Variants in UMODL1 observed in about 807,000 individuals in gnomAD.
UMODL1 encodes the protein uromodulin-like 1.
UMODL1 carries 128 observed loss-of-function variants against 136.3 expected under a neutral mutation model. The observed-to-expected ratio is 0.94, with a 90% CI of 0.81 to 1.09. UMODL1 has a LOEUF of 1.09. Ranked by LOEUF, UMODL1 falls within the 50% of genes least tolerant of loss-of-function variation. UMODL1 has a pLI of 0.00. For synonymous variants in UMODL1, 721 were observed against 720.0 expected (o/e 1.00, Z -0.02); for missense variants, 1,766 against 1,725.6 (o/e 1.02, Z -0.41).
Position 42,103,849 on chromosome 21 carries a change from G to A in UMODL1, c.1300-19G>A, listed in dbSNP as rs560534891. On this transcript the variant is annotated intron_variant, in intron 8 of 22. Transcript: ENST00000408910. ...GTGAAGACGTTGATGGATGTCTGCT[G>A]TTGCCTCTTCTTGGCTAGGTCGAGA... 14 of 1,613,924 alleles carry A rather than the reference G, an allele frequency of 8.7e-6. No homozygotes were observed. Among genetic ancestry groups the A allele is most frequent in the Non-Finnish European group, 1.1e-5 (13 of 1,179,904 alleles).
rs369090858 is a variant in UMODL1, at chr21:42,121,224, G to T, written c.2827G>T (p.Gly943Cys). 25 of 1,608,498 alleles carry T rather than the reference G, an allele frequency of 1.6e-5. No homozygotes were observed. Among genetic ancestry groups the T allele is most frequent in the Non-Finnish European group, 2.1e-5 (25 of 1,177,642 alleles). ...GGAATATTCTGAGAGACCCTGTGAA[G>T]GTAATGTCGTCAGAGTTTCTTCTTC... Reference protein sequence around the residue: ...PVEYSERPCEGDSPGNETWAT... With the variant: ...PVEYSERPCECDSPGNETWAT... Residue 943 changes from glycine (G) to cysteine (C), a missense_variant and splice_region_variant, in exon 16 of 23, where the codon GGT (glycine) becomes TGT (cysteine). Transcript: ENST00000408910.
At position 42,122,564 on chromosome 21, in the gene UMODL1, C is replaced by A; in HGVS notation, c.2828-267C>A. On this transcript the variant is annotated intron_variant, in intron 16 of 22. Coordinates refer to ENST00000408910, the MANE Select transcript of UMODL1 (RefSeq NM_001004416.3). The surrounding 1 kb of genome is among the most constrained non-coding windows in gnomAD (Gnocchi z 4.3). ...ATGTGTGCGTGTGTGTGTGTCTGCA[C>A]GTGTGTGCGTGCGTGTGTGCATGTG... 6.8e-6 allele frequency among the ~76,000 whole-genome samples: 1 copy of A among 146,636 alleles called. No individual in the cohort carries two copies. Among genetic ancestry groups the A allele is most frequent in the East Asian group, 2.0e-4 (1 of 5,040 alleles).
chr21:42,111,472 G>A, intron 11 of UMODL1, 34 bp from the exon 12 acceptor site: 1 of 1,613,810 alleles, frequency 6.2e-7, no homozygotes, highest in Non-Finnish European at 8.5e-7. Context: ...TCCCTCCTGG[G>A]GCCACAGATG....
At chr21:42,116,286 A>G (rs2066901588) in intron 14 of UMODL1, among the ~76,000 whole-genome samples, 1 of 151,712 alleles carries the variant, frequency 6.6e-6, no homozygotes, top group African/African-American at 2.4e-5. Context: ...CCCAGGAGGC[A>G]GAGGTTGCAG....
chr21:42,097,290 C>A (rs955864725), intron 6 of UMODL1, among the ~76,000 whole-genome samples: 6 of 152,178 alleles, frequency 3.9e-5, no homozygotes, highest in Non-Finnish European at 8.8e-5. Context: ...GAAGCCTGTC[C>A]AGATTCCAGT....
intron 14 of UMODL1, among the ~76,000 whole-genome samples, chr21:42,116,897 G>A (rs1002908914): frequency 2.4e-4 from 37 of 152,154 alleles, no homozygotes; most frequent in South Asian, 2.1e-4. Flanking sequence ...CCAACATGGC[G>A]AAACCCCATC....
chr21:42,140,119 A>C (rs1453578940), intron 22 of UMODL1, among the ~76,000 whole-genome samples: 1 of 152,172 alleles, frequency 6.6e-6, no homozygotes, highest in African/African-American at 2.4e-5. Context: ...AAAATCTGTT[A>C]TCTCAAGAAA....
chr21:42,079,011 G>A (rs1378660927), intron 2 of UMODL1, among the ~76,000 whole-genome samples: 3 of 152,220 alleles, frequency 2.0e-5, no homozygotes, highest in East Asian at 3.8e-4. Context: ...CTGGTGCCAC[G>A]GCAACTCGGT....
intron 12 of UMODL1, among the ~76,000 whole-genome samples, chr21:42,112,220 C>T (rs1252400847): frequency 1.3e-5 from 2 of 151,444 alleles, no homozygotes; most frequent in African/African-American, 2.4e-5. Context: ...CTGCTCTGCA[C>T]ACCAAGGTGT....
Position 42,082,481 on chromosome 21 carries a change from G to A in UMODL1, c.320-1603G>A, listed in dbSNP as rs1467948559. Among the ~76,000 whole-genome samples, 3 of 152,238 alleles carry A rather than the reference G, an allele frequency of 2.0e-5. No individual in the cohort carries two copies. In the East Asian group the frequency reaches 5.8e-4, roughly 29 times the overall value. On this transcript the variant is annotated intron_variant, in intron 2 of 22. Coordinates refer to ENST00000408910, the MANE Select transcript of UMODL1 (RefSeq NM_001004416.3). ...GCCATAGACACACAAAGCTTGCCAT[G>A]TATCTGGGCATGAACTGGACAGCTC... is the stretch of plus-strand genomic sequence containing the variant.
rs866785679 is a variant in UMODL1 at position 42,088,481 on chromosome 21, G to C, written c.790+1G>C. The stretch of plus-strand genomic sequence containing the variant: ...GAAGTGATCAGCGTCCAGGTGCAAG[G>C]TTGGGCTTCCCTCAATCCTCCCTCT... On this transcript the variant is annotated splice_donor_variant, in intron 5 of 22. Coordinates refer to ENST00000408910, the MANE Select transcript of UMODL1 (RefSeq NM_001004416.3). LOFTEE classifies it high-confidence loss of function. The C allele has an allele frequency of 5.0e-6, 8 of 1,592,548 alleles. No homozygotes were observed. The highest frequency in any genetic ancestry group is 6.9e-6 in the Non-Finnish European group (8 of 1,162,744).
chr21:42,110,793 C>T, intron 10 of UMODL1, 87 bp from the exon 11 acceptor site: 18 of 1,320,454 alleles, frequency 1.4e-5, no homozygotes, highest in Non-Finnish European at 1.7e-5. Context: ...CAGAGCAGTC[C>T]TGCTGGACGG....
chr21:42,106,637 C>G (rs1453666692), intron 9 of UMODL1, among the ~76,000 whole-genome samples: 1 of 152,174 alleles, frequency 6.6e-6, no homozygotes, highest in African/African-American at 2.4e-5. Flanking sequence ...CCAGGAGGTA[C>G]GTACCATGTG....
upstream of UMODL1, chr21:42,071,272 T>C: frequency 6.8e-7 from 1 of 1,473,670 alleles, no homozygotes; most frequent in Non-Finnish European, 9.0e-7. Context: ...GACCCAGGCT[T>C]CTTGGTAGAG....
At chr21:42,108,166 C>T in intron 9 of UMODL1, 1 of 410,728 alleles carries the variant, frequency 2.4e-6, no homozygotes. Context: ...ATCACCACGC[C>T]CCAAAATAGA....
chr21:42,121,390 G>C (rs2066970656), intron 16 of UMODL1, among the ~76,000 whole-genome samples, 166 bp downstream of exon 16: 1 of 149,238 alleles, frequency 6.7e-6, no homozygotes, highest in South Asian at 2.1e-4. Flanking sequence ...TGTGTGTGAT[G>C]TATGTGTACA....
At chr21:42,128,057 A>G (rs534428218) in intron 20 of UMODL1, 22 of 647,964 alleles carry the variant, frequency 3.4e-5, no homozygotes, top group Middle Eastern at 2.5e-4. Context: ...CCATTTCTCA[A>G]TGGCTGAGCT....
intron 2 of UMODL1, among the ~76,000 whole-genome samples, chr21:42,080,870 C>T (rs1271175768): frequency 2.0e-5 from 3 of 152,264 alleles, no homozygotes; most frequent in South Asian, 4.1e-4. Flanking sequence ...CATGCTTTTA[C>T]GGCCACATGG....
At position 42,085,525 on chromosome 21, in the gene UMODL1, A is replaced by G; in HGVS notation, c.603+113A>G. The G allele has an allele frequency of 6.0e-6, 9 of 1,508,616 alleles. No individual in the cohort carries two copies. The highest frequency in any genetic ancestry group is 8.1e-6 in the Non-Finnish European group (9 of 1,110,328). 93.5% of individuals were successfully genotyped at this position (1,508,616 alleles called of 1,614,324 possible). ...GGGTTGGGGAGGGTGATGTTCCCCA[A>G]ATGGCCCCAAATGACTGACTCTGAA... On this transcript the variant is annotated intron_variant, in intron 4 of 22. Coordinates refer to ENST00000408910, the MANE Select transcript of UMODL1 (RefSeq NM_001004416.3). This position sits in a 1 kb window ranked among gnomAD's most constrained non-coding sequence, Gnocchi z 4.5.
Sources: allele counts gnomAD v4.1 joint callset (sites outside exome capture counted in the v4.1 genomes callset), GRCh38; gene constraint gnomAD v4.1.1; non-coding constraint Gnocchi (gnomAD v3.1); transcripts MANE v1.5; gene names NCBI Gene and HGNC (gene_info 2026-07-23, HGNC 2026-07-21).